The following AHNAK2 variants were observed in gnomAD, a reference collection of about 807,000 sequenced individuals.
The protein encoded by AHNAK2 is AHNAK nucleoprotein 2, also known as protein AHNAK2.
In AHNAK2, 18 loss-of-function variants were observed where a neutral mutation model predicts 30.7. That is an observed-to-expected ratio of 0.59 (90% CI 0.41 to 0.87). The LOEUF (loss-of-function observed/expected upper bound fraction) is 0.87, where lower values mean the gene tolerates loss of function less well. AHNAK2 is among the 40% of genes least tolerant of loss of function. The pLI, the probability that AHNAK2 is intolerant of heterozygous loss-of-function variation, is 0.00. For synonymous variants in AHNAK2, 3,590 were observed against 3,073.8 expected (o/e 1.17, Z -5.56); for missense variants, 8,604 against 7,373.0 (o/e 1.17, Z -6.11).
At position 104,953,855 on chromosome 14, in the gene AHNAK2, C is replaced by T. The variant is rs1405832138; in HGVS notation, c.1596G>A (p.Val532=). ...KAGTGLKGEE[V]EGAGWMPGRE... is the part of the protein sequence containing the mutation. ...TGCCCGGCATCCACCCGGCTCCTTC[C>T]ACCTCCTCACCCTTCAGGCCAGTAC... The change falls in exon 7 of 7, where the codon GTG becomes GTA. Residue 532 remains valine, a synonymous_variant. Coordinates refer to ENST00000333244, the MANE Select transcript of AHNAK2 (RefSeq NM_138420.4). The T allele has an allele frequency of 2.5e-6, 4 of 1,613,896 alleles. No individual in the cohort carries two copies. The highest frequency in any genetic ancestry group is 1.7e-5 in the Admixed American group (1 of 60,010).
Position 104,956,639 on chromosome 14 carries a change from C to T in AHNAK2, c.264G>A (p.Trp88Ter). The T allele has an allele frequency of 6.2e-7, 1 of 1,613,932 alleles. No individual in the cohort carries two copies. Residue 88 changes from tryptophan (W) to a stop codon, truncating the protein, a stop_gained, in exon 4 of 7, where the codon TGG (tryptophan) becomes TGA (stop). Transcript: ENST00000333244. LOFTEE classifies it high-confidence loss of function. ...QGSAGRRRSWWKRDSGDSRTF... is the reference protein window; with the variant it reads ...QGSAGRRRSW ...TCCGTGAGTCCCCTGAATCTCGCTT[C>T]CACCAGGATCTCCGTCTCCCAGCAG...
At position 104,949,900 on chromosome 14, in the gene AHNAK2, G is replaced by C. The variant is rs775714460; in HGVS notation, c.5551C>G (p.Pro1851Ala). ...AGGCTCACTTCGGCCTCCACCTTCGGCGCAGACACATCCACCGAGGCCTCG... is the reference window on the plus strand; with the variant it reads ...AGGCTCACTTCGGCCTCCACCTTCGCCGCAGACACATCCACCGAGGCCTCG... The part of the protein sequence containing the change: ...SIEASVDVSA[P>A]KVEAEVSLPS... Residue 1851 changes from proline to alanine, a missense_variant, in exon 7 of 7, where the codon CCG becomes GCG. By Grantham distance (27) the Pro-to-Ala change is conservative. Transcript: ENST00000333244. 1 of 1,589,114 alleles carries C rather than the reference G, an allele frequency of 6.3e-7. No homozygotes were observed. Among genetic ancestry groups the C allele is most frequent in the Admixed American group, 1.7e-5 (1 of 57,842 alleles).
In AHNAK2 at chr14:104,937,997, G is replaced by A. The variant is rs897582720; in HGVS notation, c.*66C>T. 3 of 1,518,986 alleles carry A rather than the reference G, an allele frequency of 2.0e-6. No individual in the cohort carries two copies. Among genetic ancestry groups the A allele is most frequent in the Admixed American group, 1.9e-5 (1 of 52,816 alleles). 94.1% of individuals were successfully genotyped at this position (1,518,986 alleles called of 1,614,324 possible). On this transcript the variant is annotated 3_prime_UTR_variant, in exon 7 of 7. Coordinates refer to ENST00000333244, the MANE Select transcript of AHNAK2 (RefSeq NM_138420.4). ...TGCTGTGGGATGGGGTGCTCCATAT[G>A]TGTGTGTAGCCTTTACTTTCCAACT...
At chr14:104,964,703 C>T (rs889217820) in intron 1 of AHNAK2, among the ~76,000 whole-genome samples, 3 of 152,206 alleles carry the variant, frequency 2.0e-5, no homozygotes, top group African/African-American at 4.8e-5. Context: ...AAAAAGCGCT[C>T]GTACCGGGGG....
At position 104,951,903 on chromosome 14, in the gene AHNAK2, T is replaced by C; in HGVS notation, c.3548A>G (p.Glu1183Gly). 1 of 1,609,790 alleles carries C rather than the reference T, an allele frequency of 6.2e-7. No individual in the cohort carries two copies. Among genetic ancestry groups the C allele is most frequent in the African/African-American group, 1.4e-5 (1 of 73,978 alleles). ...GGGTGCAGACACATCCACCGAGGCC[T>C]CGATGGACTTGCCTGGGGCTGACGC... is the stretch of plus-strand genomic sequence containing the variant. Reference protein sequence around the residue: ...FGASAPGKSIEASVDVSAPKV... With the variant: ...FGASAPGKSIGASVDVSAPKV... The change falls in exon 7 of 7, where the codon GAG becomes GGG. Residue 1183 changes from glutamate (E) to glycine (G), a missense_variant. Physicochemically the swap from Glu to Gly is moderately conservative, Grantham distance 98. Transcript: ENST00000333244.
chr14:104,978,229 G>A lies in AHNAK2; in HGVS notation c.9C>T (p.Asp3=). 1 of 1,214,206 alleles carries A rather than the reference G, an allele frequency of 8.2e-7. No individual in the cohort carries two copies. Among genetic ancestry groups the A allele is most frequent in the Non-Finnish European group, 1.0e-6 (1 of 975,772 alleles). The allele number at this position is 1,214,206 out of a possible 1,614,324, so 75.2% of individuals were successfully genotyped here. A position where few individuals can be genotyped will look rare whatever the true frequency, so the allele number is the denominator to read the frequency against. Residue 3 remains aspartate (D), a synonymous_variant, in exon 1 of 7, where the codon GAC becomes GAT. Transcript: ENST00000333244. MC[D]CFHMVLPTWP... ...AGGTGGGCAGCACCATGTGGAAGCA[G>A]TCGCACATCGCGGCGGCCAGGCGGT...
At position 104,944,037 on chromosome 14, in the gene AHNAK2, A is replaced by G; in HGVS notation, c.11414T>C (p.Met3805Thr). 1 of 1,612,762 alleles carries G rather than the reference A, an allele frequency of 6.2e-7. No individual in the cohort carries two copies. The highest frequency in any genetic ancestry group is 8.5e-7 in the Non-Finnish European group (1 of 1,179,472). The change falls in exon 7 of 7, where the codon ATG (methionine) becomes ACG (threonine). Residue 3805 changes from methionine (M) to threonine (T), a missense_variant. Coordinates refer to ENST00000333244, the MANE Select transcript of AHNAK2 (RefSeq NM_138420.4). Reference protein sequence around the residue: ...DVTAKDSKFKMPKFKMPSFGV... With the variant: ...DVTAKDSKFKTPKFKMPSFGV... The stretch of plus-strand genomic sequence containing the variant: ...AAATGACGGCATCTTGAACTTGGGC[A>G]TTTTGAATTTGCTGTCTTTGGCAGT...
chr14:104,947,194 C>A lies in AHNAK2; in HGVS notation c.8257G>T (p.Val2753Phe), dbSNP rs761399119. ...TTCAGGTCCACGTTGGGGCCCTTAA[C>A]ATCTATCTGGGGGCCCTTGAGGTCC... ...EVDLKGPQID[V>F]KGPNVDLKGP... Residue 2753 changes from valine to phenylalanine, a missense_variant, in exon 7 of 7, where the codon GTT becomes TTT. Val to Phe is a conservative substitution (Grantham distance 50). Transcript: ENST00000333244. 6.2e-7 allele frequency: 1 copy of A among 1,612,074 alleles called. No homozygotes were observed.
In AHNAK2 at chr14:104,952,533, GC is replaced by G. The variant is rs1348614663; in HGVS notation, c.2917del (p.Ala973ProfsTer19). ...SMEVDVQAQK[A>X]KLDGAWLEGD... ...CTCCAGCCACGCACCATCCAGCTTG[GC>G]CTTCTGGGCCTGGACATCCACCTCC... On this transcript the variant is annotated frameshift_variant, in exon 7 of 7. Coordinates refer to ENST00000333244, the MANE Select transcript of AHNAK2 (RefSeq NM_138420.4). LOFTEE classifies it low-confidence loss of function (END_TRUNC). 6.2e-7 allele frequency: 1 copy of G among 1,612,680 alleles called. No homozygotes were observed. Among genetic ancestry groups the G allele is most frequent in the East Asian group, 2.2e-5 (1 of 44,750 alleles).
rs1898808795 is a variant in AHNAK2 at position 104,952,762 on chromosome 14, C to G, written c.2689G>C (p.Val897Leu). 3 of 1,612,602 alleles carry G rather than the reference C, an allele frequency of 1.9e-6. No individual in the cohort carries two copies. In the African/African-American group the frequency reaches 4.0e-5, roughly 22 times the overall value. ...GGGCCCTCCGGAAGTTTCACATCCA[C>G]TTGGCCAGCCTGGACCTCCAGGTCA... Reference protein sequence around the residue: ...SADLEVQAGQVDVKLPEGPVP... With the variant: ...SADLEVQAGQLDVKLPEGPVP... The change falls in exon 7 of 7, where the codon GTG becomes CTG. Residue 897 changes from valine (V) to leucine (L), a missense_variant. Physicochemically the swap from Val to Leu is conservative, Grantham distance 32 (BLOSUM62 1). Transcript: ENST00000333244.
rs1898712842 is a variant in AHNAK2, at chr14:104,951,555, T to TC, written c.3895_3896insG (p.Gln1299ArgfsTer20). The TC allele has an allele frequency of 8.0e-7, 1 of 1,247,886 alleles. No individual in the cohort carries two copies. The highest frequency in any genetic ancestry group is 1.1e-6 in the Non-Finnish European group (1 of 881,276). 77.3% of individuals were successfully genotyped at this position (1,247,886 alleles called of 1,614,324 possible). ...GCCATCCAACTTGGCTCCCGGGGCC[T>TC]GCATGTCCACCTCCACACTGGGCAG... On this transcript the variant is annotated frameshift_variant, in exon 7 of 7. Coordinates refer to ENST00000333244, the MANE Select transcript of AHNAK2 (RefSeq NM_138420.4). LOFTEE classifies it low-confidence loss of function (END_TRUNC).
chr14:104,973,459 G>A (rs546805400), intron 1 of AHNAK2, among the ~76,000 whole-genome samples: 91 of 152,316 alleles, frequency 6.0e-4, no homozygotes, highest in Non-Finnish European at 1.1e-3. Context: ...GGCGAGGACC[G>A]AAGGCTGTGG....
Position 104,953,058 on chromosome 14 carries a change from C to T in AHNAK2, c.2393G>A (p.Ser798Asn). The part of the protein sequence containing the change: ...TAPDVKMSLS[S>N]MEVDVQAPRA... ...CGGGGCCTGGACGTCCACCTCCATG[C>T]TGGACAGAGACATCTTCACATCGGG... Residue 798 changes from serine (S) to asparagine (N), a missense_variant, in exon 7 of 7, where the codon AGC (serine) becomes AAC (asparagine). Ser to Asn is a conservative substitution (Grantham distance 46, BLOSUM62 1). Coordinates refer to ENST00000333244, the MANE Select transcript of AHNAK2 (RefSeq NM_138420.4). 1 of 1,613,472 alleles carries T rather than the reference C, an allele frequency of 6.2e-7. No individual in the cohort carries two copies. Among genetic ancestry groups the T allele is most frequent in the Non-Finnish European group, 8.5e-7 (1 of 1,179,756 alleles).
At chr14:104,961,433 G>A (rs112198348) in intron 1 of AHNAK2, among the ~76,000 whole-genome samples, 5,569 of 147,876 alleles carry the variant, frequency 0.038, 154 homozygotes, top group Non-Finnish European at 0.06. Context: ...AGAATGGCGT[G>A]AACCCCGGGG....
At position 104,938,282 on chromosome 14, in the gene AHNAK2, T is replaced by C. The variant is rs887489158; in HGVS notation, c.17169A>G (p.Glu5723=). The change falls in exon 7 of 7, where the codon GAA becomes GAG. Residue 5723 remains glutamate, a synonymous_variant. Coordinates refer to ENST00000333244, the MANE Select transcript of AHNAK2 (RefSeq NM_138420.4). ...KSTEDGAELE[E]QKLQEETITF... is the part of the protein sequence containing the mutation. ...TGATTGTTTCTTCTTGAAGTTTTTG[T>C]TCTTCCAGCTCTGCCCCATCTTCGG... 1.2e-6 allele frequency: 2 copies of C among 1,613,946 alleles called. No individual in the cohort carries two copies. The highest frequency in any genetic ancestry group is 8.5e-7 in the Non-Finnish European group (1 of 1,179,860).
Position 104,938,509 on chromosome 14 carries a change from A to G in AHNAK2, c.16942T>C (p.Trp5648Arg). 6.2e-7 allele frequency: 1 copy of G among 1,613,750 alleles called. No homozygotes were observed. Among genetic ancestry groups the G allele is most frequent in the Non-Finnish European group, 8.5e-7 (1 of 1,179,824 alleles). ...GAGGAAAACCCAATGTTTGGAAGCC[A>G]AAACCAGAGCAGACCAGATTTTTTA... ...ESKKSGLLWF[W>R]LPNIGFSSSV... Residue 5648 changes from tryptophan (W) to arginine (R), a missense_variant, in exon 7 of 7, where the codon TGG (tryptophan) becomes CGG (arginine). Physicochemically the swap from Trp to Arg is moderately radical, Grantham distance 101. Coordinates refer to ENST00000333244, the MANE Select transcript of AHNAK2 (RefSeq NM_138420.4).
rs1352893232 is a variant in AHNAK2, at chr14:104,955,127, T to C, written c.481A>G (p.Ser161Gly). 6.2e-7 allele frequency: 1 copy of C among 1,609,042 alleles called. No homozygotes were observed. The highest frequency in any genetic ancestry group is 1.7e-5 in the Admixed American group (1 of 59,892). Residue 161 changes from serine (S) to glycine (G), a missense_variant, in exon 6 of 7, where the codon AGT becomes GGT. Coordinates refer to ENST00000333244, the MANE Select transcript of AHNAK2 (RefSeq NM_138420.4). ...FNLREGDQLL[S>G]TTVFFENIKY... Reference sequence around the variant, plus strand: ...ATGTTTTCAAAGAACACGGTTGTACTGAGCAGCTGATCCCCTAGACCAAGA... The same window carrying C: ...ATGTTTTCAAAGAACACGGTTGTACCGAGCAGCTGATCCCCTAGACCAAGA...
intron 1 of AHNAK2, among the ~76,000 whole-genome samples, chr14:104,976,425 G>A (rs1226250499): frequency 1.3e-5 from 2 of 152,182 alleles, no homozygotes; most frequent in South Asian, 2.1e-4. Flanking sequence ...CCTGCTGAGA[G>A]GAAACTGCAG....
Position 104,951,202 on chromosome 14 carries a change from G to T in AHNAK2, c.4249C>A (p.Pro1417Thr). 1 of 1,068,702 alleles carries T rather than the reference G, an allele frequency of 9.4e-7. No homozygotes were observed. The highest frequency in any genetic ancestry group is 1.4e-6 in the Non-Finnish European group (1 of 737,436). 66.2% of individuals were successfully genotyped at this position (1,068,702 alleles called of 1,614,324 possible). A position where few individuals can be genotyped will look rare whatever the true frequency, so the allele number is the denominator to read the frequency against. The change falls in exon 7 of 7, where the codon CCC becomes ACC. Residue 1417 changes from proline (P) to threonine (T), a missense_variant. Coordinates refer to ENST00000333244, the MANE Select transcript of AHNAK2 (RefSeq NM_138420.4). ...TCCACTTTGGGCACCTTGAAACTGG[G>T]CATCTGCAGCTTGGGCAGGTGCCCT... Reference protein sequence around the residue: ...LKGHLPKLQMPSFKVPKVDLK... With the variant: ...LKGHLPKLQMTSFKVPKVDLK...
Sources: allele counts gnomAD v4.1 joint callset (sites outside exome capture counted in the v4.1 genomes callset), GRCh38; gene constraint gnomAD v4.1.1; transcripts MANE v1.5; gene names NCBI Gene and HGNC (gene_info 2026-07-23, HGNC 2026-07-21).